The following RAB11FIP4 variants were observed in gnomAD, a reference collection of about 807,000 sequenced individuals.
The protein encoded by RAB11FIP4 is rab11 family-interacting protein 4.
Under a neutral mutation model 74.3 loss-of-function variants are expected in RAB11FIP4, and 23 were observed. The ratio of observed to expected loss-of-function variants is 0.31; its 90% CI spans 0.22 to 0.44. The LOEUF (loss-of-function observed/expected upper bound fraction) is 0.44. RAB11FIP4 is among the 20% of genes least tolerant of loss of function. RAB11FIP4 has a pLI of 1.00. For synonymous variants in RAB11FIP4, 360 were observed against 359.9 expected, an observed-to-expected ratio of 1.00 and a Z score of 0.00; for missense variants, 630 against 863.9, an observed-to-expected ratio of 0.73 and a Z score of 3.39.
At chr17:31,455,330 A>G (rs1197279336) in intron 3 of RAB11FIP4, among the ~76,000 whole-genome samples, 8 of 152,188 alleles carry the variant, frequency 5.3e-5, no homozygotes, top group Non-Finnish European at 2.9e-5. Context: ...TGTGTTATAC[A>G]GATACATAAC....
chr17:31,448,056 C>T (rs1172491512), intron 3 of RAB11FIP4, among the ~76,000 whole-genome samples: 3 of 152,028 alleles, frequency 2.0e-5, no homozygotes, highest in African/African-American at 7.3e-5. Flanking sequence ...AAGCGATCCA[C>T]CTGTCTCGGC....
In RAB11FIP4 at chr17:31,434,095, G is replaced by T. The variant is rs753655255; in HGVS notation, c.309G>T (p.Ala103=). The T allele has an allele frequency of 2.5e-6, 4 of 1,585,076 alleles. No homozygotes were observed. In the South Asian group the frequency reaches 4.6e-5, roughly 18 times the overall value. ...SVESAGTLPC[A]PEIPDCVEQG... is the part of the protein sequence containing the mutation. ...AGAGCGCGGGGACGCTGCCGTGCGCGCCAGAGATCCCAGACTGCGTGGAGC... is the reference window on the plus strand; with the variant it reads ...AGAGCGCGGGGACGCTGCCGTGCGCTCCAGAGATCCCAGACTGCGTGGAGC... The change falls in exon 3 of 15, where the codon GCG becomes GCT. Residue 103 remains alanine, a synonymous_variant. Coordinates refer to ENST00000621161, the MANE Select transcript of RAB11FIP4 (RefSeq NM_032932.6).
chr17:31,487,243 G>A lies in RAB11FIP4; in HGVS notation c.337-30408G>A, dbSNP rs185136159. ...CTCATTTTTGTCTTTTTAAAGTCCA[G>A]GGCATGGTTAAGAGTGATGGGGGGA... On this transcript the variant is annotated intron_variant, in intron 3 of 14. Transcript: ENST00000621161. Among the ~76,000 whole-genome samples, 481 of 152,274 alleles carry A rather than the reference G, an allele frequency of 3.2e-3. 4 individuals carry two copies. Among genetic ancestry groups the A allele is most frequent in the Non-Finnish European group, 5.3e-3 (360 of 68,018 alleles).
chr17:31,428,951 AGTT>A (rs987896500), intron 1 of RAB11FIP4, among the ~76,000 whole-genome samples: 75 of 151,946 alleles, frequency 4.9e-4, no homozygotes, highest in Middle Eastern at 3.4e-3. Context: ...CTTAAAAAAA[AGTT>A]GTTATTATTA....
intron 3 of RAB11FIP4, among the ~76,000 whole-genome samples, chr17:31,440,240 A>G (rs1241793060): frequency 6.6e-6 from 1 of 152,200 alleles, no homozygotes; most frequent in Non-Finnish European, 1.5e-5. Flanking sequence ...TACTTCCTCA[A>G]TATGGCCAGT....
chr17:31,425,881 C>T (rs1294635232), intron 1 of RAB11FIP4, among the ~76,000 whole-genome samples: 3 of 152,170 alleles, frequency 2.0e-5, no homozygotes, highest in Admixed American at 2.0e-4. Flanking sequence ...CTGCCTGGGG[C>T]CCAGGCTCCC....
At chr17:31,403,427 A>G (rs1411969975) in intron 1 of RAB11FIP4, among the ~76,000 whole-genome samples, 1 of 151,846 alleles carries the variant, frequency 6.6e-6, no homozygotes, top group South Asian at 2.1e-4. Context: ...GGTTCCAGCA[A>G]TTCTCCTGCC....
In RAB11FIP4 at chr17:31,532,113, CGATGGG is replaced by C; in HGVS notation, c.*382_*387del. 5.5e-6 allele frequency: 1 copy of C among 181,792 alleles called. No individual in the cohort carries two copies. The highest frequency in any genetic ancestry group is 1.2e-5 in the Non-Finnish European group (1 of 85,164). The allele number at this position is 181,792 out of a possible 1,614,324, so 11.3% of individuals were successfully genotyped here. On this transcript the variant is annotated 3_prime_UTR_variant, in exon 15 of 15. Coordinates refer to ENST00000621161, the MANE Select transcript of RAB11FIP4 (RefSeq NM_032932.6). ...ATAAGGATTCACATTCGCTCTAGTA[CGATGGG>C]CTCTTTCACCCCACTCCTAGTCCCC...
chr17:31,507,303 T>G (rs1313066081), intron 3 of RAB11FIP4, among the ~76,000 whole-genome samples: 3 of 152,098 alleles, frequency 2.0e-5, no homozygotes. Context: ...AAGGTTACAG[T>G]CCCATTAACA....
chr17:31,488,495 G>C (rs2071944755), intron 3 of RAB11FIP4: 1 of 379,894 alleles, frequency 2.6e-6, no homozygotes, highest in Admixed American at 5.9e-5. Flanking sequence ...GGACTAGGAA[G>C]GGGGCTCGTC....
rs138140326 is a variant in RAB11FIP4, at chr17:31,534,734, T to G, written c.*3002T>G. Reference sequence around the variant, plus strand: ...ACTTGGGTTTTTTGTTTGTTTTTATTGTTTTTGCTAAACCTGGCAACCCTA... The same window carrying G: ...ACTTGGGTTTTTTGTTTGTTTTTATGGTTTTTGCTAAACCTGGCAACCCTA... On this transcript the variant is annotated 3_prime_UTR_variant, in exon 15 of 15. Transcript: ENST00000621161. 137 of 152,834 alleles carry G rather than the reference T, an allele frequency of 9.0e-4. No individual in the cohort carries two copies. Among genetic ancestry groups the G allele is most frequent in the African/African-American group, 3.2e-3 (135 of 41,584 alleles). The allele number at this position is 152,834 out of a possible 1,614,324, so 9.5% of individuals were successfully genotyped here. A position where few individuals can be genotyped will look rare whatever the true frequency, so the allele number is the denominator to read the frequency against.
At chr17:31,402,832 A>C (rs367771315) in intron 1 of RAB11FIP4, among the ~76,000 whole-genome samples, 7 of 151,132 alleles carry the variant, frequency 4.6e-5, no homozygotes, top group Non-Finnish European at 3.0e-5. Context: ...TCACCGTGTT[A>C]GCCAGGATGG....
intron 3 of RAB11FIP4, among the ~76,000 whole-genome samples, chr17:31,461,455 G>A (rs367587502): frequency 1.3e-5 from 2 of 152,322 alleles, no homozygotes; most frequent in South Asian, 4.1e-4. Context: ...GGACTTCTCA[G>A]AGCTTTAATA....
chr17:31,436,132 C>T (rs1032504194), intron 3 of RAB11FIP4, among the ~76,000 whole-genome samples: 2 of 152,138 alleles, frequency 1.3e-5, no homozygotes, highest in East Asian at 1.9e-4. Flanking sequence ...TCCATACCCA[C>T]GTGGGCCACC....
At chr17:31,528,589 G>A in intron 12 of RAB11FIP4, 31 bp from the exon 13 acceptor site, 1 of 1,613,338 alleles carries the variant, frequency 6.2e-7, no homozygotes, top group East Asian at 2.2e-5. Context: ...CAGCATCCCT[G>A]CTCCTGCCAA....
intron 3 of RAB11FIP4, among the ~76,000 whole-genome samples, chr17:31,508,070 C>T (rs1295079970): frequency 2.6e-5 from 4 of 152,186 alleles, no homozygotes; most frequent in African/African-American, 9.7e-5. Context: ...TCAAGTGATC[C>T]AGCCACTTCA....
chr17:31,436,300 G>A, intron 3 of RAB11FIP4, among the ~76,000 whole-genome samples: 1 of 152,180 alleles, frequency 6.6e-6, no homozygotes, highest in Admixed American at 6.5e-5. Flanking sequence ...CTCGCCGCCT[G>A]CTGCTGTAAG....
intron 3 of RAB11FIP4, among the ~76,000 whole-genome samples, chr17:31,480,810 A>G (rs1199234256): frequency 6.6e-6 from 1 of 151,752 alleles, no homozygotes; most frequent in African/African-American, 2.4e-5. Context: ...AAAAAAAAAA[A>G]AAAAAAGAAA....
At chr17:31,460,236 T>C (rs1426495307) in intron 3 of RAB11FIP4, among the ~76,000 whole-genome samples, 1 of 152,162 alleles carries the variant, frequency 6.6e-6, no homozygotes, top group African/African-American at 2.4e-5. Flanking sequence ...AAAAATAAAG[T>C]GCTTTTCAAA....
Sources: gnomAD v4.1 joint callset for allele counts (sites outside exome capture counted in the v4.1 genomes callset) on GRCh38, gnomAD v4.1.1 for gene constraint, MANE v1.5 for transcripts, NCBI Gene and HGNC (gene_info 2026-07-23, HGNC 2026-07-21) for gene names.